The following DOK6 variants were observed in gnomAD, a reference collection of about 807,000 sequenced individuals.
DOK6 encodes the protein downstream of tyrosine kinase 6.
A neutral mutation model predicts 44.0 loss-of-function variants in DOK6; 22 were observed. That is an observed-to-expected ratio of 0.50 (90% CI 0.36 to 0.71). The LOEUF (loss-of-function observed/expected upper bound fraction) is 0.71, where lower values mean the gene tolerates loss of function less well. DOK6 is among the 30% of genes least tolerant of loss of function. The pLI is 0.00. For missense variants in DOK6, 340 were observed against 416.4 expected (o/e 0.82, Z 1.60); for synonymous variants, 166 against 145.5 (o/e 1.14, Z -1.01).
chr18:69,618,628 C>T (rs1984367936), intron 3 of DOK6: 1 of 152,712 alleles, frequency 6.5e-6, no homozygotes, highest in African/African-American at 2.4e-5. Flanking sequence ...AGAATGAGGG[C>T]CAAGCGAAAC....
chr18:69,639,068 T>G (rs542605383), intron 3 of DOK6, among the ~76,000 whole-genome samples: 1 of 152,318 alleles, frequency 6.6e-6, no homozygotes, highest in Admixed American at 6.5e-5. Flanking sequence ...AACTGAAGAC[T>G]TTAAATCTCA....
At chr18:69,497,330 A>C (rs1219008172) in intron 1 of DOK6, among the ~76,000 whole-genome samples, 1 of 152,204 alleles carries the variant, frequency 6.6e-6, no homozygotes, top group Non-Finnish European at 1.5e-5. Context: ...AGACTAGAGA[A>C]AGAACCAAAT....
chr18:69,534,795 A>G (rs1982076254), intron 1 of DOK6, among the ~76,000 whole-genome samples: 1 of 152,164 alleles, frequency 6.6e-6, no homozygotes, highest in Non-Finnish European at 1.5e-5. Flanking sequence ...TACCATAGGC[A>G]AAACTTCCTC....
At chr18:69,528,437 C>T (rs1056234904) in intron 1 of DOK6, among the ~76,000 whole-genome samples, 1 of 152,090 alleles carries the variant, frequency 6.6e-6, no homozygotes, top group African/African-American at 2.4e-5. Flanking sequence ...GGTTTTAATG[C>T]GTATTTCACT....
At chr18:69,720,553 T>C (rs1004497397) in intron 5 of DOK6, among the ~76,000 whole-genome samples, 1 of 152,204 alleles carries the variant, frequency 6.6e-6, no homozygotes, top group African/African-American at 2.4e-5. Flanking sequence ...GCTACTCAGA[T>C]ATGAATTCAT....
chr18:69,645,606 C>T (rs1156829709), intron 3 of DOK6, among the ~76,000 whole-genome samples: 1 of 151,968 alleles, frequency 6.6e-6, no homozygotes, highest in Admixed American at 6.6e-5. Flanking sequence ...TGAAAAACAG[C>T]TTGGCAGTTT....
intron 1 of DOK6, chr18:69,469,790 GGA>G: frequency 1.3e-5 from 3 of 235,344 alleles, no homozygotes; most frequent in Non-Finnish European, 2.7e-5. Context: ...AGAGGCGGAT[GGA>G]GCGCGGCAGA....
intron 7 of DOK6, among the ~76,000 whole-genome samples, chr18:69,778,622 A>T (rs1358000044): frequency 6.6e-6 from 1 of 152,194 alleles, no homozygotes; most frequent in Non-Finnish European, 1.5e-5. Flanking sequence ...TTTGAAATGT[A>T]CTTATTCTGA....
chr18:69,575,122 TA>T (rs1983209402), intron 2 of DOK6, among the ~76,000 whole-genome samples: 1 of 152,102 alleles, frequency 6.6e-6, no homozygotes, highest in Non-Finnish European at 1.5e-5. Context: ...TAAAACTTTT[TA>T]AAAAGACTTT....
At chr18:69,583,116 A>G (rs372762379) in intron 2 of DOK6, among the ~76,000 whole-genome samples, 2 of 152,344 alleles carry the variant, frequency 1.3e-5, no homozygotes, top group African/African-American at 4.8e-5. Context: ...GATAACTTAC[A>G]TATGTACTAC....
rs1344851312 is a variant in DOK6, at chr18:69,827,179, C to T, written c.857-14065C>T. On this transcript the variant is annotated intron_variant, in intron 7 of 7. Coordinates refer to ENST00000382713, the MANE Select transcript of DOK6 (RefSeq NM_152721.6). Reference sequence around the variant, plus strand: ...CTCACTTTCTTAAAATCATTCAAAGCTTCCTATCACCTATTAGAAAAAATT... The same window carrying T: ...CTCACTTTCTTAAAATCATTCAAAGTTTCCTATCACCTATTAGAAAAAATT... Among the ~76,000 whole-genome samples the T allele has an allele frequency of 2.6e-5, 4 of 152,096 alleles. No individual in the cohort carries two copies. In the East Asian group the frequency reaches 7.7e-4, roughly 29 times the overall value.
chr18:69,813,793 C>T (rs1336561507), intron 7 of DOK6, among the ~76,000 whole-genome samples: 1 of 151,984 alleles, frequency 6.6e-6, no homozygotes, highest in Non-Finnish European at 1.5e-5. Context: ...GGTTTTAGAC[C>T]TTACTGTAAC....
intron 3 of DOK6, among the ~76,000 whole-genome samples, chr18:69,642,582 C>CT (rs1299516173): frequency 6.6e-6 from 1 of 152,080 alleles, no homozygotes; most frequent in African/African-American, 2.4e-5. Context: ...ATCTACCTGC[C>CT]TTTTTTTCAT....
chr18:69,557,310 A>G (rs1030446440), intron 1 of DOK6, among the ~76,000 whole-genome samples: 1 of 152,166 alleles, frequency 6.6e-6, no homozygotes, highest in Non-Finnish European at 1.5e-5. Flanking sequence ...AGCTTGTGAT[A>G]AAACAGGCCC....
chr18:69,407,745 G>GCAAT (rs1307912976), intron 1 of DOK6, among the ~76,000 whole-genome samples: 2 of 152,184 alleles, frequency 1.3e-5, no homozygotes, highest in Admixed American at 1.3e-4. Flanking sequence ...CATGGTACTT[G>GCAAT]CAATGATTAG....
Position 69,847,363 on chromosome 18 carries a change from C to T in DOK6, c.*5980C>T, listed in dbSNP as rs963454880. ...AACATCGAATGGAGCAAGGTCTACA[C>T]TCTCAGCCTGTAGCTGTGCTAATGT... On this transcript the variant is annotated 3_prime_UTR_variant, in exon 8 of 8. Coordinates refer to ENST00000382713, the MANE Select transcript of DOK6 (RefSeq NM_152721.6). 1 of 152,204 alleles carries T rather than the reference C, an allele frequency of 6.6e-6. No individual in the cohort carries two copies. The highest frequency in any genetic ancestry group is 2.1e-4 in the South Asian group (1 of 4,832). The allele number at this position is 152,204 out of a possible 1,614,324, so 9.4% of individuals were successfully genotyped here. A position where few individuals can be genotyped will look rare whatever the true frequency, so the allele number is the denominator to read the frequency against.
intron 7 of DOK6, among the ~76,000 whole-genome samples, chr18:69,830,071 C>A (rs1981858356): frequency 6.6e-6 from 1 of 151,994 alleles, no homozygotes; most frequent in South Asian, 2.1e-4. Context: ...ATTTCACAAA[C>A]AAGTGCAAAT....
rs186024200 is a variant in DOK6, at chr18:69,795,900, G to A, written c.856+38027G>A. On this transcript the variant is annotated intron_variant, in intron 7 of 7. Coordinates refer to ENST00000382713, the MANE Select transcript of DOK6 (RefSeq NM_152721.6). ...TTTTTCCTCTGAGTAATCAAACTGT[G>A]GAAAGCAGCTTTGACCACGTAGGGA... 1.9e-4 allele frequency among the ~76,000 whole-genome samples: 29 copies of A among 152,308 alleles called. 1 individual carries two copies. Among genetic ancestry groups the A allele is most frequent in the Admixed American group, 7.2e-4 (11 of 15,278 alleles).
chr18:69,560,997 C>A (rs557145578), intron 1 of DOK6, among the ~76,000 whole-genome samples: 1 of 152,230 alleles, frequency 6.6e-6, no homozygotes, highest in South Asian at 2.1e-4. Flanking sequence ...TATTCTGGAG[C>A]TGAATATTTA....
Sources: gnomAD v4.1 joint callset for allele counts (sites outside exome capture counted in the v4.1 genomes callset) on GRCh38, gnomAD v4.1.1 for gene constraint, MANE v1.5 for transcripts, NCBI Gene and HGNC (gene_info 2026-07-23, HGNC 2026-07-21) for gene names.